The following TBC1D3B variants were observed in gnomAD, a reference collection of about 807,000 sequenced individuals.
TBC1D3B encodes the protein TBC1 domain family member 3B, also known as Rab GTPase-activating protein PRC17 duplicate.
TBC1D3B carries 2 observed loss-of-function variants against 27.1 expected under a neutral mutation model. The ratio of observed to expected loss-of-function variants is 0.07; its 90% CI spans 0.03 to 0.23. The LOEUF (loss-of-function observed/expected upper bound fraction) is 0.23. TBC1D3B is among the 10% of genes least tolerant of loss of function. The pLI is 1.00. For synonymous variants in TBC1D3B, 3 were observed against 150.1 expected, an observed-to-expected ratio of 0.02 and a Z score of 7.16; for missense variants, 17 against 401.3, an observed-to-expected ratio of 0.04 and a Z score of 8.18.
chr17:36,167,031 T>TTGGCTC (rs1284268597), intron 13 of TBC1D3B, among the ~76,000 whole-genome samples: 10 of 102,644 alleles, frequency 9.7e-5, no homozygotes, highest in Admixed American at 6.3e-4. Flanking sequence ...GGCTGAACTC[T>TTGGCTC]TGGCTCTGGC....
At chr17:36,167,299 G>C (rs1328455366) in intron 13 of TBC1D3B, among the ~76,000 whole-genome samples, 11 of 51,678 alleles carry the variant, frequency 2.1e-4, no homozygotes, top group African/African-American at 4.3e-4. Flanking sequence ...GAAAGTGGGA[G>C]GGGGCTTGTT....
chr17:36,171,204 G>T (rs2068347248), intron 7 of TBC1D3B, among the ~76,000 whole-genome samples: 1 of 149,904 alleles, frequency 6.7e-6, no homozygotes, highest in Non-Finnish European at 1.5e-5. Flanking sequence ...TGGGTCTTCC[G>T]TTTGAAGGGA....
In TBC1D3B at chr17:36,165,698, T is replaced by C. The variant is rs1281997543; in HGVS notation, c.*297A>G. On this transcript the variant is annotated 3_prime_UTR_variant, in exon 14 of 14. Transcript: ENST00000611257. Reference sequence around the variant, plus strand: ...TCTAAAAGCATTTCAACAGGAAACATTTATTTCAAAACGTGAAGGTAGTTA... The same window carrying C: ...TCTAAAAGCATTTCAACAGGAAACACTTATTTCAAAACGTGAAGGTAGTTA... 1 of 944,478 alleles carries C rather than the reference T, an allele frequency of 1.1e-6. No individual in the cohort carries two copies. The allele number at this position is 944,478 out of a possible 1,614,324, so 58.5% of individuals were successfully genotyped here.
intron 7 of TBC1D3B, among the ~76,000 whole-genome samples, 195 bp from the exon 8 acceptor site, chr17:36,170,798 T>C (rs2068337025): frequency 1.2e-5 from 1 of 82,798 alleles, no homozygotes; most frequent in Non-Finnish European, 4.2e-5. Context: ...AATAGCCCAG[T>C]TGTACAGTGA....
chr17:36,165,822 G>T lies in TBC1D3B; in HGVS notation c.*173C>A. ...GGGGTGCTGGGAGGGGCTGGGCATG[G>T]TTGGCTTTGTGATCTGGGGTCTGGT... On this transcript the variant is annotated 3_prime_UTR_variant, in exon 14 of 14. Transcript: ENST00000611257. 1.0e-6 allele frequency: 1 copy of T among 974,650 alleles called. No individual in the cohort carries two copies. The highest frequency in any genetic ancestry group is 1.5e-6 in the Non-Finnish European group (1 of 651,222). The allele number at this position is 974,650 out of a possible 1,614,324, so 60.4% of individuals were successfully genotyped here.
At chr17:36,171,161 T>C (rs1041363119) in intron 7 of TBC1D3B, among the ~76,000 whole-genome samples, 1 of 148,918 alleles carries the variant, frequency 6.7e-6, no homozygotes, top group African/African-American at 2.4e-5. Context: ...CCCACGTTCG[T>C]GCGGGCATCA....
At chr17:36,171,340 G>T (rs1237353809) in intron 7 of TBC1D3B, among the ~76,000 whole-genome samples, 1 of 151,254 alleles carries the variant, frequency 6.6e-6, no homozygotes, top group Non-Finnish European at 1.5e-5. Flanking sequence ...TTCCAAATCA[G>T]TGGGTTCAAT....
chr17:36,175,505 C>T (rs1418497715), intron 1 of TBC1D3B, among the ~76,000 whole-genome samples: 1,617 of 94,472 alleles, frequency 0.017, 10 homozygotes, highest in African/African-American at 0.036. Context: ...AGATCTCTCC[C>T]GACTGCTCGG....
Position 36,169,006 on chromosome 17 carries a change from C to T in TBC1D3B, c.762+74G>A. On this transcript the variant is annotated intron_variant, in intron 10 of 13. Transcript: ENST00000611257. ...AGCCAGTCACCAGCCCCACGAGGGG[C>T]CCCAGCCCCCCTGCTCCTACAGCCC... 5.8e-6 allele frequency: 9 copies of T among 1,562,380 alleles called. No homozygotes were observed. In the South Asian group the frequency reaches 6.6e-5, roughly 12 times the overall value.
chr17:36,167,115 C>G (rs1190699133), intron 13 of TBC1D3B, among the ~76,000 whole-genome samples: 1 of 107,952 alleles, frequency 9.3e-6, no homozygotes, highest in East Asian at 2.1e-4. Flanking sequence ...CCCTTGACTC[C>G]CTGGCTCCAG....
rs1480351738 is a variant in TBC1D3B at position 36,165,865 on chromosome 17, G to C, written c.*130C>G. Reference sequence around the variant, plus strand: ...GGTCTGGTGTGTTCCATCTCTGAATGTCTCTCAAGCTGCACTCTTTCTTAA... The same window carrying C: ...GGTCTGGTGTGTTCCATCTCTGAATCTCTCTCAAGCTGCACTCTTTCTTAA... On this transcript the variant is annotated 3_prime_UTR_variant, in exon 14 of 14. Transcript: ENST00000611257. 0.13 allele frequency: 111,153 copies of C among 866,558 alleles called. 6,522 individuals carry two copies. Among genetic ancestry groups the C allele is most frequent in the African/African-American group, 0.39 (21,977 of 56,708 alleles). The allele number at this position is 866,558 out of a possible 1,614,324, so 53.7% of individuals were successfully genotyped here. A position where few individuals can be genotyped will look rare whatever the true frequency, so the allele number is the denominator to read the frequency against.
chr17:36,166,903 C>T (rs2068264043), intron 13 of TBC1D3B, among the ~76,000 whole-genome samples: 1 of 47,218 alleles, frequency 2.1e-5, no homozygotes, highest in African/African-American at 4.3e-5. Context: ...TGTCACCCAG[C>T]CCCTTGTCAC....
chr17:36,172,955 GAGCTGC>G, intron 4 of TBC1D3B, 30 bp from the exon 5 acceptor site: 3 of 214,056 alleles, frequency 1.4e-5, no homozygotes, highest in Non-Finnish European at 2.0e-5. Context: ...GGAGTTAGCG[GAGCTGC>G]CAGGCTTCCC....
At chr17:36,171,218 C>G (rs1483794272) in intron 7 of TBC1D3B, among the ~76,000 whole-genome samples, 27 of 150,124 alleles carry the variant, frequency 1.8e-4, no homozygotes, top group African/African-American at 5.1e-4. Context: ...GAAGGGAGGA[C>G]CAGCCTTGCT....
chr17:36,170,804 A>G (rs2068337099), intron 7 of TBC1D3B, among the ~76,000 whole-genome samples: 2 of 82,090 alleles, frequency 2.4e-5, no homozygotes, highest in African/African-American at 5.6e-5. Context: ...CCAGTTGTAC[A>G]GTGACTTGCC....
chr17:36,165,904 G>T lies in TBC1D3B; in HGVS notation c.*91C>A, dbSNP rs2068243542. 1.0e-6 allele frequency: 1 copy of T among 979,144 alleles called. No individual in the cohort carries two copies. Among genetic ancestry groups the T allele is most frequent in the Admixed American group, 2.0e-5 (1 of 50,872 alleles). The allele number at this position is 979,144 out of a possible 1,614,324, so 60.7% of individuals were successfully genotyped here. A position where few individuals can be genotyped will look rare whatever the true frequency, so the allele number is the denominator to read the frequency against. ...ACTCTTTCTTAATACATATTCATAA[G>T]TTTAACCAAAAATAAAACGAGGACG... is the stretch of plus-strand genomic sequence containing the variant. On this transcript the variant is annotated 3_prime_UTR_variant, in exon 14 of 14. Coordinates refer to ENST00000611257, the MANE Select transcript of TBC1D3B (RefSeq NM_001001417.7).
chr17:36,167,172 C>T (rs1598956750), intron 13 of TBC1D3B, among the ~76,000 whole-genome samples: 5 of 97,116 alleles, frequency 5.1e-5, no homozygotes, highest in Admixed American at 9.6e-5. Flanking sequence ...AGTGAGGGGC[C>T]TCTGCTGCTC....
intron 13 of TBC1D3B, among the ~76,000 whole-genome samples, chr17:36,166,974 C>T (rs2068265029): frequency 5.0e-5 from 4 of 79,548 alleles, no homozygotes; most frequent in African/African-American, 1.2e-4. Flanking sequence ...CACCCTCTGC[C>T]CTCCTGGGCT....
rs1305887830 is a variant in TBC1D3B, at chr17:36,171,258, C to A, written c.497+597G>T. 3.3e-5 allele frequency among the ~76,000 whole-genome samples: 5 copies of A among 149,496 alleles called. No homozygotes were observed. The East Asian group carries it at 7.7e-4, about 23-fold the overall frequency. The stretch of plus-strand genomic sequence containing the variant: ...CCATTCCCGTGTTGAAGGCCGTCCC[C>A]GAAGGCTCCGTGTGTGAGTGACGAG... On this transcript the variant is annotated intron_variant, in intron 7 of 13. Transcript: ENST00000611257.
Sources: gnomAD v4.1 joint callset for allele counts (sites outside exome capture counted in the v4.1 genomes callset) on GRCh38, gnomAD v4.1.1 for gene constraint, MANE v1.5 for transcripts, NCBI Gene and HGNC (gene_info 2026-07-23, HGNC 2026-07-21) for gene names.